The following USPL1 variants were observed in gnomAD, a reference collection of about 807,000 sequenced individuals.
USPL1 encodes the protein ubiquitin specific peptidase like 1, also known as SUMO-specific isopeptidase USPL1.
In USPL1, 27 loss-of-function variants were observed where a neutral mutation model predicts 51.5. That is an observed-to-expected ratio of 0.52 (90% confidence interval 0.39 to 0.72). USPL1 has a LOEUF of 0.72. USPL1 is among the 30% of genes least tolerant of loss of function. USPL1 has a pLI of 0.00. For synonymous variants in USPL1, 451 were observed against 459.6 expected (o/e 0.98, Z 0.24); for missense variants, 1,226 against 1,268.0 (o/e 0.97, Z 0.50).
chr13:30,650,921 C>T (rs183515815), intron 7 of USPL1, among the ~76,000 whole-genome samples: 20 of 151,234 alleles, frequency 1.3e-4, no homozygotes, highest in Admixed American at 3.3e-4. Flanking sequence ...ACCCAGGGGG[C>T]GGAGGTTGCA....
chr13:30,632,661 C>T (rs1423790561), intron 4 of USPL1, among the ~76,000 whole-genome samples: 1 of 152,032 alleles, frequency 6.6e-6, no homozygotes, highest in African/African-American at 2.4e-5. Context: ...ATCTGCCTGC[C>T]TTGGCCTCCC....
chr13:30,626,475 T>G (rs1950718293), intron 3 of USPL1, among the ~76,000 whole-genome samples: 3 of 152,230 alleles, frequency 2.0e-5, no homozygotes, highest in Non-Finnish European at 4.4e-5. Context: ...TGGCTTCTTT[T>G]GCATACAACA....
In USPL1 at chr13:30,637,797, C is replaced by T. The variant is rs959447279; in HGVS notation, c.922C>T (p.Leu308=). 2 of 1,613,626 alleles carry T rather than the reference C, an allele frequency of 1.2e-6. No individual in the cohort carries two copies. Among genetic ancestry groups the T allele is most frequent in the African/African-American group, 1.3e-5 (1 of 75,004 alleles). ...SEIFAEIETC[L]NEVRDEIFIS... is the part of the protein sequence containing the mutation. Reference sequence around the variant, plus strand: ...AATATTTGCAGAGATAGAGACCTGTCTGAATGAAGTTAGAGATGAAATTTT... The same window carrying T: ...AATATTTGCAGAGATAGAGACCTGTTTGAATGAAGTTAGAGATGAAATTTT... Residue 308 remains leucine (L), a synonymous_variant, in exon 5 of 9, where the codon CTG becomes TTG. Coordinates refer to ENST00000255304, the MANE Select transcript of USPL1 (RefSeq NM_005800.5).
At chr13:30,628,959 T>C (rs1361078801) in intron 3 of USPL1, among the ~76,000 whole-genome samples, 2 of 152,182 alleles carry the variant, frequency 1.3e-5, no homozygotes, top group Non-Finnish European at 2.9e-5. Flanking sequence ...TTCTCAGTTT[T>C]CTGACATATG....
intron 3 of USPL1, 88 bp from the exon 4 acceptor site, chr13:30,630,747 C>G: frequency 7.5e-7 from 1 of 1,341,986 alleles, no homozygotes. Context: ...TGCTAACATT[C>G]TATACATGTT....
Position 30,658,858 on chromosome 13 carries a change from G to A in USPL1, c.2781G>A (p.Gly927=). 1.2e-6 allele frequency: 2 copies of A among 1,613,934 alleles called. No individual in the cohort carries two copies. The highest frequency in any genetic ancestry group is 1.7e-6 in the Non-Finnish European group (2 of 1,180,036). ...SENLEQVPQD[G]SPNDCESIED... ...ATCTAGAACAGGTGCCCCAGGATGG[G>A]TCTCCAAATGATTGTGAATCAATAG... The change falls in exon 9 of 9, where the codon GGG becomes GGA. Residue 927 remains glycine, a synonymous_variant. Coordinates refer to ENST00000255304, the MANE Select transcript of USPL1 (RefSeq NM_005800.5).
intron 5 of USPL1, among the ~76,000 whole-genome samples, chr13:30,638,286 CAT>C (rs1950902677): frequency 6.6e-6 from 1 of 152,168 alleles, no homozygotes; most frequent in Non-Finnish European, 1.5e-5. Flanking sequence ...AGAAACCCCA[CAT>C]GATTGTTATA....
At chr13:30,652,244 T>G (rs905811314) in intron 7 of USPL1, among the ~76,000 whole-genome samples, 1 of 152,264 alleles carries the variant, frequency 6.6e-6, no homozygotes, top group Non-Finnish European at 1.5e-5. Context: ...CTTTTTATTT[T>G]GTAGGTACTT....
chr13:30,630,872 T>C lies in USPL1; in HGVS notation c.266T>C (p.Leu89Pro), dbSNP rs1950794089. ...TTGGGCTCTAAATCACTTAATAACC[T>C]AATTTCTCCTGATTTGGAAGAATGT... ...YPLGSKSLNN[L>P]ISPDLEECHT... Residue 89 changes from leucine to proline, a missense_variant, in exon 4 of 9, where the codon CTA becomes CCA. By Grantham distance (98) the Leu-to-Pro change is moderately conservative. Transcript: ENST00000255304. The C allele has an allele frequency of 6.2e-7, 1 of 1,612,732 alleles. No individual in the cohort carries two copies. Among genetic ancestry groups the C allele is most frequent in the Non-Finnish European group, 8.5e-7 (1 of 1,179,548 alleles).
chr13:30,658,248 A>T lies in USPL1; in HGVS notation c.2171A>T (p.Asn724Ile), dbSNP rs745670625. ...GAACGTGTCACATCTCAGGTATCTA[A>T]TTTGAAGAAAAAAGAAACTACAGCA... The part of the protein sequence containing the change: ...KPERVTSQVS[N>I]LKKKETTADS... Residue 724 changes from asparagine (N) to isoleucine (I), a missense_variant, in exon 9 of 9, where the codon AAT (asparagine) becomes ATT (isoleucine). Asn to Ile is a moderately radical substitution (Grantham distance 149). Coordinates refer to ENST00000255304, the MANE Select transcript of USPL1 (RefSeq NM_005800.5). 3.1e-6 allele frequency: 5 copies of T among 1,612,592 alleles called. No homozygotes were observed. The highest frequency in any genetic ancestry group is 4.2e-6 in the Non-Finnish European group (5 of 1,179,734).
At position 30,642,629 on chromosome 13, in the gene USPL1, T is replaced by C; in HGVS notation, c.984T>C (p.Gly328=). The change falls in exon 6 of 9, where the codon GGT becomes GGC. Residue 328 remains glycine (G), a splice_region_variant and synonymous_variant. Transcript: ENST00000255304. ...TAATTCTTCCTTTTCTTTTTGAAGGTGATATGGAAAGCCCTGTGTTTGCAT... is the reference window on the plus strand; with the variant it reads ...TAATTCTTCCTTTTCTTTTTGAAGGCGATATGGAAAGCCCTGTGTTTGCAT... ...SLQPQLRCTL[G]DMESPVFAFP... 3 of 1,604,928 alleles carry C rather than the reference T, an allele frequency of 1.9e-6. No individual in the cohort carries two copies. In the South Asian group the frequency reaches 3.3e-5, roughly 18 times the overall value.
chr13:30,657,482 C>T lies in USPL1; in HGVS notation c.1405C>T (p.Leu469=). ...TCTTTCCCATCTTCCAGGAAGTTGGCTGGAATGTGATGACTTAAAAGGCCC... is the reference window on the plus strand; with the variant it reads ...TCTTTCCCATCTTCCAGGAAGTTGGTTGGAATGTGATGACTTAAAAGGCCC... ...TWILDADGSW[L]ECDDLKGPCS... Residue 469 remains leucine, a synonymous_variant, in exon 9 of 9, where the codon CTG becomes TTG. Transcript: ENST00000255304. 2 of 1,579,324 alleles carry T rather than the reference C, an allele frequency of 1.3e-6. No individual in the cohort carries two copies. The highest frequency in any genetic ancestry group is 1.7e-6 in the Non-Finnish European group (2 of 1,165,692).
chr13:30,618,749 C>G (rs1040709443), intron 1 of USPL1, among the ~76,000 whole-genome samples: 3 of 152,012 alleles, frequency 2.0e-5, no homozygotes, highest in Non-Finnish European at 2.9e-5. Context: ...AAGAAAGATG[C>G]TGGGGGTGAA....
chr13:30,629,093 A>AAGTGC (rs1950762683), intron 3 of USPL1, among the ~76,000 whole-genome samples: 1 of 152,152 alleles, frequency 6.6e-6, no homozygotes, highest in South Asian at 2.1e-4. Context: ...ATTTCATAGT[A>AAGTGC]AGTGCAGTAT....
At chr13:30,627,633 C>T (rs909783989) in intron 3 of USPL1, among the ~76,000 whole-genome samples, 1 of 151,426 alleles carries the variant, frequency 6.6e-6, no homozygotes, top group Admixed American at 6.6e-5. Context: ...ACTTGAGATT[C>T]ACAAAGGGTT....
intron 7 of USPL1, among the ~76,000 whole-genome samples, chr13:30,649,001 C>T (rs1362417085): frequency 3.3e-5 from 5 of 152,134 alleles, no homozygotes; most frequent in African/African-American, 9.7e-5. Context: ...AACATAGACT[C>T]GTACCATTGT....
chr13:30,623,799 A>G (rs969323574), intron 3 of USPL1, among the ~76,000 whole-genome samples: 3 of 152,154 alleles, frequency 2.0e-5, no homozygotes, highest in African/African-American at 7.2e-5. Flanking sequence ...AAAAATATCA[A>G]GATTTGGATT....
At chr13:30,643,242 C>T (rs1566055344) in intron 6 of USPL1, among the ~76,000 whole-genome samples, 1 of 152,176 alleles carries the variant, frequency 6.6e-6, no homozygotes, top group Non-Finnish European at 1.5e-5. Context: ...CCTAATGCCT[C>T]TCAGCAGCGT....
At chr13:30,640,555 G>A (rs572289612) in intron 5 of USPL1, among the ~76,000 whole-genome samples, 1 of 152,182 alleles carries the variant, frequency 6.6e-6, no homozygotes, top group African/African-American at 2.4e-5. Context: ...GCCGGACGTG[G>A]TGTAGGTGCC....
Sources: gnomAD v4.1 joint callset for allele counts (sites outside exome capture counted in the v4.1 genomes callset) on GRCh38, gnomAD v4.1.1 for gene constraint, MANE v1.5 for transcripts, NCBI Gene and HGNC (gene_info 2026-07-23, HGNC 2026-07-21) for gene names.